Variants in NDUFA10 observed in about 807,000 individuals in gnomAD.
The protein encoded by NDUFA10 is NADH:ubiquinone oxidoreductase subunit A10, also known as NADH dehydrogenase [ubiquinone] 1 alpha subcomplex subunit 10, mitochondrial.
A neutral mutation model predicts 47.8 loss-of-function variants in NDUFA10; 40 were observed. The ratio of observed to expected loss-of-function variants is 0.84; its 90% CI spans 0.65 to 1.09. The LOEUF (loss-of-function observed/expected upper bound fraction) is 1.09, where lower values mean the gene tolerates loss of function less well. NDUFA10 is among the 50% of genes least tolerant of loss of function. The pLI, the probability that NDUFA10 is intolerant of heterozygous loss-of-function variation, is 0.00. For missense variants in NDUFA10, 413 were observed against 451.1 expected, an observed-to-expected ratio of 0.92 and a Z score of 0.76; for synonymous variants, 183 against 172.2, an observed-to-expected ratio of 1.06 and a Z score of -0.49.
downstream of NDUFA10, among the ~76,000 whole-genome samples, chr2:239,953,108 G>T (rs116710668): frequency 9.4e-3 from 1,438 of 152,330 alleles, 17 homozygotes; most frequent in African/African-American, 0.032. Flanking sequence ...TGGGACCTCG[G>T]GTGGCAAAGG....
intron 9 of NDUFA10, among the ~76,000 whole-genome samples, chr2:239,985,733 A>G (rs1695972659): frequency 6.6e-6 from 1 of 152,126 alleles, no homozygotes; most frequent in Non-Finnish European, 1.5e-5. Context: ...AACATGGTGA[A>G]AACTTGTCTC....
intron 4 of NDUFA10, among the ~76,000 whole-genome samples, chr2:239,912,050 G>A (rs1014341738): frequency 2.0e-5 from 3 of 152,140 alleles, no homozygotes; most frequent in African/African-American, 7.2e-5. Flanking sequence ...TTGCTCACTC[G>A]CTGGAGGTAC....
chr2:239,974,562 G>A (rs1695437579), intron 9 of NDUFA10, among the ~76,000 whole-genome samples: 2 of 152,254 alleles, frequency 1.3e-5, no homozygotes, highest in Non-Finnish European at 2.9e-5. Context: ...GGGCCTGGTG[G>A]GAAGTGTTTG....
intron 8 of NDUFA10, among the ~76,000 whole-genome samples, chr2:239,993,921 C>A (rs952449047): frequency 5.3e-5 from 8 of 152,026 alleles, no homozygotes; most frequent in Non-Finnish European, 1.0e-4. Context: ...TGGCCCAGGG[C>A]ACAGGACCAC....
chr2:239,919,737 G>A (rs1489253169), intron 4 of NDUFA10, among the ~76,000 whole-genome samples: 5 of 152,154 alleles, frequency 3.3e-5, no homozygotes, highest in Admixed American at 6.5e-5. Context: ...AGAATACCTC[G>A]TTTTCCAAAG....
At chr2:239,969,354 G>A (rs1196663108) in intron 9 of NDUFA10, 1 of 205,982 alleles carries the variant, frequency 4.9e-6, no homozygotes, top group Non-Finnish European at 1.0e-5. Flanking sequence ...TATTGGATAA[G>A]TGTGGTGGCC....
rs1191821724 is a variant in NDUFA10, at chr2:239,898,967, G to GTGATGAAGAGGTA, written c.295-3666_295-3654dup. The stretch of plus-strand genomic sequence containing the variant: ...GGGGTGTGGAGGGGTGTGGCAGGGT[G>GTGATGAAGAGGTA]TGATGAAGAGGTATGATGGAGAGGT... On this transcript the variant is annotated intron_variant, in intron 4 of 5. Transcript: ENST00000419408. Among the ~76,000 whole-genome samples the GTGATGAAGAGGTA allele has an allele frequency of 2.2e-4, 27 of 125,372 alleles. 2 individuals are homozygous for GTGATGAAGAGGTA. The highest frequency in any genetic ancestry group is 7.3e-4 in the East Asian group (3 of 4,110). The allele number at this position is 125,372 out of a possible 152,430, so 82.2% of individuals were successfully genotyped here.
chr2:239,908,276 T>C (rs1286006472), intron 4 of NDUFA10, among the ~76,000 whole-genome samples: 2 of 152,060 alleles, frequency 1.3e-5, no homozygotes, highest in Non-Finnish European at 2.9e-5. Flanking sequence ...AGGGATAGCA[T>C]TAGGAGATAG....
chr2:239,897,307 T>C (rs1693416599), intron 4 of NDUFA10, among the ~76,000 whole-genome samples: 1 of 152,204 alleles, frequency 6.6e-6, no homozygotes, highest in South Asian at 2.1e-4. Context: ...AAAAATCCTA[T>C]TTTTATTAGA....
intron 4 of NDUFA10, among the ~76,000 whole-genome samples, chr2:239,899,440 TGGAGGGTTGTGATGGAGGGGTGTGAC>T (rs1385993552): frequency 1.6e-4 from 17 of 107,190 alleles, no homozygotes; most frequent in South Asian, 3.5e-4. Flanking sequence ...TGGAGGAATG[TGGAGGGTTGTGATGGAGGGGTGTGAC>T]GGAGGGGTGT....
At chr2:239,893,796 G>A (rs763069680) in intron 5 of NDUFA10, among the ~76,000 whole-genome samples, 1 of 152,166 alleles carries the variant, frequency 6.6e-6, no homozygotes, top group Non-Finnish European at 1.5e-5. Context: ...GGCAGGGAAG[G>A]TGCCTAGATA....
At chr2:239,950,873 C>T (rs1694539650) in intron 4 of NDUFA10, among the ~76,000 whole-genome samples, 1 of 152,226 alleles carries the variant, frequency 6.6e-6, no homozygotes, top group Non-Finnish European at 1.5e-5. Flanking sequence ...GTGACACTGT[C>T]CAACAATTAC....
intron 4 of NDUFA10, among the ~76,000 whole-genome samples, chr2:239,951,230 G>A (rs976134463): frequency 7.9e-5 from 12 of 152,206 alleles, no homozygotes; most frequent in African/African-American, 2.7e-4. Context: ...GATGGGACCC[G>A]GGGTGCCCAC....
At chr2:239,933,958 A>C (rs1031758661) in intron 4 of NDUFA10, among the ~76,000 whole-genome samples, 13 of 152,196 alleles carry the variant, frequency 8.5e-5, no homozygotes, top group African/African-American at 2.9e-4. Flanking sequence ...TCTGGGCTCA[A>C]GCAATCCTCC....
chr2:239,900,559 G>A (rs1475993508), intron 4 of NDUFA10, among the ~76,000 whole-genome samples: 3 of 127,232 alleles, frequency 2.4e-5, no homozygotes, highest in African/African-American at 9.1e-5. Context: ...TTTTTCATTG[G>A]GTGGTCTTTT....
chr2:239,958,570 C>T lies in NDUFA10; in HGVS notation c.*2548G>A, dbSNP rs926855426. On this transcript the variant is annotated 3_prime_UTR_variant, in exon 10 of 10. Transcript: ENST00000252711. ...ACCTAGGCAGAACATGGAGGTTCCA[C>T]AGCTGCCTGGTGGACAGCAGCCAGC... is the stretch of plus-strand genomic sequence containing the variant. The T allele has an allele frequency of 6.6e-6, 1 of 152,348 alleles. No individual in the cohort carries two copies. The highest frequency in any genetic ancestry group is 2.1e-4 in the South Asian group (1 of 4,832). 9.4% of individuals were successfully genotyped at this position (152,348 alleles called of 1,614,324 possible).
intron 9 of NDUFA10, among the ~76,000 whole-genome samples, chr2:239,974,960 C>T (rs1466041499): frequency 1.8e-5 from 1 of 56,644 alleles, no homozygotes; most frequent in African/African-American, 7.1e-5. Context: ...ACATGTGACA[C>T]TCCTCCGCCA....
intron 7 of NDUFA10, among the ~76,000 whole-genome samples, chr2:240,005,542 A>G (rs564709844): frequency 6.6e-6 from 1 of 152,140 alleles, no homozygotes; most frequent in South Asian, 2.1e-4. Flanking sequence ...TTTTTAGTAG[A>G]GATGGGGTCT....
At chr2:240,021,817 C>T (rs143177311) in intron 2 of NDUFA10, among the ~76,000 whole-genome samples, 14 of 152,292 alleles carry the variant, frequency 9.2e-5, no homozygotes, top group African/African-American at 2.2e-4. Flanking sequence ...CTCAGGAGTA[C>T]ACCCATCTGT....
Sources: allele counts gnomAD v4.1 joint callset (sites outside exome capture counted in the v4.1 genomes callset), GRCh38; gene constraint gnomAD v4.1.1; transcripts MANE v1.5; gene names NCBI Gene and HGNC (gene_info 2026-07-23, HGNC 2026-07-21).